OLA1: variants seen among roughly 807,000 people sequenced by gnomAD.
The protein encoded by OLA1 is Obg like ATPase 1, also known as obg-like ATPase 1.
OLA1 carries 14 observed loss-of-function variants against 48.4 expected under a neutral mutation model. The observed-to-expected ratio is 0.29, with a 90% confidence interval of 0.19 to 0.45. The LOEUF (loss-of-function observed/expected upper bound fraction) is 0.45, where lower values mean the gene tolerates loss of function less well. Ranked by LOEUF, OLA1 falls within the 20% of genes least tolerant of loss-of-function variation. OLA1 has a pLI of 1.00. For missense variants in OLA1, 325 were observed against 467.1 expected, an observed-to-expected ratio of 0.70 and a Z score of 2.80; for synonymous variants, 127 against 150.4, an observed-to-expected ratio of 0.84 and a Z score of 1.14.
At chr2:174,194,509 G>A (rs1274943660) in intron 4 of OLA1, among the ~76,000 whole-genome samples, 1 of 151,770 alleles carries the variant, frequency 6.6e-6, no homozygotes, top group Non-Finnish European at 1.5e-5. Context: ...TACTCCTTCC[G>A]GCTCTCTACA....
At chr2:174,185,362 C>T (rs2105417334) in intron 4 of OLA1, among the ~76,000 whole-genome samples, 1 of 152,208 alleles carries the variant, frequency 6.6e-6, no homozygotes, top group East Asian at 1.9e-4. Flanking sequence ...GATGAGCAGC[C>T]ATGTGCCAAG....
intron 4 of OLA1, among the ~76,000 whole-genome samples, chr2:174,145,890 T>G (rs1374437930): frequency 1.3e-5 from 2 of 152,194 alleles, no homozygotes; most frequent in African/African-American, 4.8e-5. Context: ...TTATTTTTGG[T>G]GCCAGTCTAC....
intron 4 of OLA1, among the ~76,000 whole-genome samples, chr2:174,152,985 C>G (rs985836689): frequency 6.6e-6 from 1 of 152,182 alleles, no homozygotes; most frequent in African/African-American, 2.4e-5. Context: ...CCTCCTCTCT[C>G]ATTACAGGAA....
chr2:174,080,129 GTCAA>G (rs888080314), intron 9 of OLA1, among the ~76,000 whole-genome samples: 21 of 151,984 alleles, frequency 1.4e-4, no homozygotes, highest in Non-Finnish European at 1.5e-5. Context: ...TTGGTTAGAA[GTCAA>G]TCAAACATTT....
intron 3 of OLA1, among the ~76,000 whole-genome samples, chr2:174,223,765 CAAAAAAAAAAA>C (rs71021680): frequency 9.5e-5 from 7 of 73,344 alleles, no homozygotes; most frequent in Non-Finnish European, 1.8e-4. Flanking sequence ...GTTATATAGA[CAAAAAAAAAAA>C]AAAAAAAAAA....
rs1687598253 is a variant in OLA1 at position 174,183,777 on chromosome 2, AT to A, written c.373+39255del. On this transcript the variant is annotated intron_variant, in intron 4 of 10. Coordinates refer to ENST00000284719, the MANE Select transcript of OLA1 (RefSeq NM_013341.5). ...CTCTTAGGATTAAATGAGATGATTC[AT>A]GTAGAAGGCCTTGCAGAGTCCTGAC... Among the ~76,000 whole-genome samples the A allele has an allele frequency of 2.6e-5, 4 of 152,330 alleles. No homozygotes were observed. The South Asian group carries it at 8.3e-4, about 32-fold the overall frequency.
At chr2:174,190,610 A>G (rs1233248040) in intron 4 of OLA1, among the ~76,000 whole-genome samples, 1 of 151,968 alleles carries the variant, frequency 6.6e-6, no homozygotes, top group African/African-American at 2.4e-5. Flanking sequence ...CAAAGGCAGT[A>G]AGTACTGCTT....
At chr2:174,083,449 T>G (rs1459996874) in intron 7 of OLA1, among the ~76,000 whole-genome samples, 1 of 152,104 alleles carries the variant, frequency 6.6e-6, no homozygotes, top group African/African-American at 2.4e-5. Context: ...AGTATGTTAT[T>G]TGTGGTTTTC....
At chr2:174,082,527 T>C (rs1456983849) in intron 7 of OLA1, among the ~76,000 whole-genome samples, 1 of 152,182 alleles carries the variant, frequency 6.6e-6, no homozygotes, top group Non-Finnish European at 1.5e-5. Context: ...CAGATATCTA[T>C]ATGCCTGGTT....
At chr2:174,180,992 C>T (rs1162999415) in intron 4 of OLA1, among the ~76,000 whole-genome samples, 1 of 152,114 alleles carries the variant, frequency 6.6e-6, no homozygotes, top group Non-Finnish European at 1.5e-5. Context: ...ACAAATCAGG[C>T]AAGAGGACAA....
At chr2:174,180,608 C>G (rs1687510879) in intron 4 of OLA1, among the ~76,000 whole-genome samples, 1 of 152,168 alleles carries the variant, frequency 6.6e-6, no homozygotes, top group Non-Finnish European at 1.5e-5. Flanking sequence ...AGTCATGCTG[C>G]TTCAATGACA....
At chr2:174,083,214 G>A (rs1484649443) in intron 7 of OLA1, among the ~76,000 whole-genome samples, 3 of 152,030 alleles carry the variant, frequency 2.0e-5, no homozygotes, top group Non-Finnish European at 4.4e-5. Context: ...TAGTTATTAT[G>A]GCAAAATGCT....
intron 10 of OLA1, 83 bp downstream of exon 10, chr2:174,078,885 G>T (rs1684803678): frequency 2.9e-6 from 4 of 1,398,844 alleles, no homozygotes; most frequent in South Asian, 2.8e-5. Flanking sequence ...CAGTTTAAAA[G>T]ATAATTATCA....
At chr2:174,120,533 G>A (rs1685891747) in intron 7 of OLA1, among the ~76,000 whole-genome samples, 1 of 152,044 alleles carries the variant, frequency 6.6e-6, no homozygotes. Context: ...CAACCAACCC[G>A]GCTGCCATGT....
intron 4 of OLA1, among the ~76,000 whole-genome samples, chr2:174,210,569 T>G (rs1458078063): frequency 6.6e-6 from 1 of 152,150 alleles, no homozygotes; most frequent in Non-Finnish European, 1.5e-5. Context: ...AACACATAAT[T>G]AAATCATAAC....
At chr2:174,194,377 G>C (rs912052822) in intron 4 of OLA1, among the ~76,000 whole-genome samples, 3 of 152,056 alleles carry the variant, frequency 2.0e-5, no homozygotes, top group African/African-American at 7.2e-5. Context: ...TCTTCTCACT[G>C]GTGTCCCGTT....
intron 4 of OLA1, among the ~76,000 whole-genome samples, chr2:174,170,485 C>T (rs1174965547): frequency 1.3e-5 from 2 of 152,222 alleles, no homozygotes; most frequent in East Asian, 3.9e-4. Flanking sequence ...TAAAAAGATA[C>T]AAATCCAAAC....
intron 7 of OLA1, among the ~76,000 whole-genome samples, chr2:174,112,894 C>T (rs1685686990): frequency 6.6e-6 from 1 of 152,122 alleles, no homozygotes; most frequent in African/African-American, 2.4e-5. Context: ...TCTCTCATTT[C>T]CCTATTTCTA....
intron 4 of OLA1, among the ~76,000 whole-genome samples, chr2:174,211,074 C>A (rs1688229158): frequency 6.6e-6 from 1 of 152,046 alleles, no homozygotes; most frequent in African/African-American, 2.4e-5. Flanking sequence ...ACCAAGAATA[C>A]ACAGAATAGG....
Sources: gnomAD v4.1 joint callset for allele counts (sites outside exome capture counted in the v4.1 genomes callset) on GRCh38, gnomAD v4.1.1 for gene constraint, MANE v1.5 for transcripts, NCBI Gene and HGNC (gene_info 2026-07-23, HGNC 2026-07-21) for gene names.